Variants in DRC8 observed in about 807,000 individuals in gnomAD.
DRC8 encodes dynein regulatory complex protein 8.
chr1:245,070,244 AG>A, the DRC8 span, among the ~76,000 whole-genome samples: 1 of 152,338 alleles, frequency 6.6e-6, no homozygotes, highest in Admixed American at 6.5e-5. Context: ...CTACTATAAT[AG>A]GAGTGCAATC....
the DRC8 span, among the ~76,000 whole-genome samples, chr1:245,104,504 A>T: frequency 4.7e-5 from 5 of 106,732 alleles, no homozygotes; most frequent in African/African-American, 2.3e-4. Flanking sequence ...ACTCTGTCAT[A>T]AAAAAAAAAA....
At chr1:245,079,480 G>T in the DRC8 span, among the ~76,000 whole-genome samples, 1 of 152,166 alleles carries the variant, frequency 6.6e-6, no homozygotes, top group East Asian at 1.9e-4. Flanking sequence ...GCACCATAAT[G>T]TTCACATCCC....
the DRC8 span, chr1:245,087,160 G>T: frequency 6.5e-7 from 1 of 1,537,428 alleles, no homozygotes; most frequent in Non-Finnish European, 8.7e-7. Context: ...AGCTTGTGGG[G>T]CTCCATGGCT....
chr1:244,990,869 C>T, the DRC8 span, among the ~76,000 whole-genome samples: 1 of 151,782 alleles, frequency 6.6e-6, no homozygotes, highest in Non-Finnish European at 1.5e-5. Context: ...TCTAGTTCTA[C>T]TCAGTACTTC....
At chr1:245,087,726 G>A in the DRC8 span, 6 of 994,720 alleles carry the variant, frequency 6.0e-6, no homozygotes, top group East Asian at 1.1e-4. Context: ...GGGGCAGAAC[G>A]AACCACTCGA....
At chr1:245,004,719 A>T in the DRC8 span, among the ~76,000 whole-genome samples, 1 of 152,356 alleles carries the variant, frequency 6.6e-6, no homozygotes, top group African/African-American at 2.4e-5. Context: ...CCTTTCTAAG[A>T]CATGCTTATT....
chr1:245,048,005 T>C, the DRC8 span, among the ~76,000 whole-genome samples: 1 of 142,770 alleles, frequency 7.0e-6, no homozygotes, highest in Non-Finnish European at 1.5e-5. Context: ...GAAGAGAAAA[T>C]ATATTTACTC....
the DRC8 span, among the ~76,000 whole-genome samples, chr1:245,102,777 G>A: frequency 6.6e-6 from 1 of 152,372 alleles, no homozygotes; most frequent in East Asian, 1.9e-4. Context: ...GTGATAAAAT[G>A]TGGTAAAAGC....
chr1:244,975,717 G>A, the DRC8 span, among the ~76,000 whole-genome samples: 1 of 151,968 alleles, frequency 6.6e-6, no homozygotes, highest in Non-Finnish European at 1.5e-5. Context: ...AAAATTAGCT[G>A]AGTGTGGTGG....
chr1:244,970,841 G>A, the DRC8 span: 9 of 298,728 alleles, frequency 3.0e-5, no homozygotes, highest in African/African-American at 1.1e-4. Context: ...GGAGGCGCCG[G>A]CAGGGGGTGC....
chr1:245,083,685 G>C, the DRC8 span: 9 of 1,607,318 alleles, frequency 5.6e-6, no homozygotes, highest in Non-Finnish European at 6.8e-6. Flanking sequence ...TATGACTGAA[G>C]AAGGTAAGTG....
chr1:245,081,515 C>T, the DRC8 span, among the ~76,000 whole-genome samples: 1 of 151,932 alleles, frequency 6.6e-6, no homozygotes, highest in Admixed American at 6.6e-5. Context: ...GTTGCCCATA[C>T]TGGAGTACAG....
At chr1:245,064,033 C>CT in the DRC8 span, among the ~76,000 whole-genome samples, 6 of 152,020 alleles carry the variant, frequency 3.9e-5, no homozygotes, top group East Asian at 1.9e-4. Flanking sequence ...CAGATCTCAA[C>CT]TTTTTTTTAA....
At chr1:244,992,295 G>A in the DRC8 span, among the ~76,000 whole-genome samples, 4 of 152,154 alleles carry the variant, frequency 2.6e-5, no homozygotes, top group African/African-American at 9.7e-5. Flanking sequence ...TTTAGTGAAG[G>A]AAAGTTTTTT....
chr1:245,089,525 A>G, the DRC8 span, among the ~76,000 whole-genome samples: 1 of 151,902 alleles, frequency 6.6e-6, no homozygotes, highest in African/African-American at 2.4e-5. This position sits in a 1 kb window ranked among gnomAD's most constrained non-coding sequence, Gnocchi z 4.8. Flanking sequence ...TGCAAGGAGG[A>G]GGCAGTGGCC....
chr1:245,055,354 C>G, the DRC8 span, among the ~76,000 whole-genome samples: 2 of 152,194 alleles, frequency 1.3e-5, no homozygotes, highest in African/African-American at 4.8e-5. Flanking sequence ...CGATCTCACT[C>G]TGTCACCCAG....
At chr1:245,044,082 CAAAA>C in the DRC8 span, 2 of 152,028 alleles carry the variant, frequency 1.3e-5, no homozygotes, top group Admixed American at 6.5e-5. Context: ...TTAACAATGA[CAAAA>C]AGAAAGGTAA....
chr1:245,070,013 C>G, the DRC8 span, among the ~76,000 whole-genome samples: 1 of 152,140 alleles, frequency 6.6e-6, no homozygotes, highest in African/African-American at 2.4e-5. Flanking sequence ...CCACCACACT[C>G]CAGCCTGGGC....
chr1:244,972,040 A>G, the DRC8 span, among the ~76,000 whole-genome samples: 13 of 149,040 alleles, frequency 8.7e-5, no homozygotes, highest in African/African-American at 2.7e-4. Context: ...AGACTTGGTT[A>G]GGTCAGCATG....
Sources: gnomAD v4.1 joint callset for allele counts (sites outside exome capture counted in the v4.1 genomes callset) on GRCh38, gnomAD v4.1.1 for gene constraint, Gnocchi (gnomAD v3.1) non-coding constraint, MANE v1.5 for transcripts, NCBI Gene and HGNC (gene_info 2026-07-23, HGNC 2026-07-21) for gene names.